SUGCT: variants seen among roughly 807,000 people sequenced by gnomAD.
SUGCT encodes succinyl-CoA:glutarate CoA-transferase.
In SUGCT, 41 loss-of-function variants were observed where a neutral mutation model predicts 55.0. That is an observed-to-expected ratio of 0.74 (90% CI 0.58 to 0.97). The LOEUF is 0.97. SUGCT is among the 50% of genes least tolerant of loss of function. SUGCT has a pLI of 0.00. For missense variants in SUGCT, 568 were observed against 547.8 expected, an observed-to-expected ratio of 1.04 and a Z score of -0.37; for synonymous variants, 187 against 200.4, an observed-to-expected ratio of 0.93 and a Z score of 0.56.
intron 13 of SUGCT, among the ~76,000 whole-genome samples, chr7:40,759,390 G>T (rs1436912302): frequency 6.6e-6 from 1 of 152,120 alleles, no homozygotes; most frequent in Non-Finnish European, 1.5e-5. Flanking sequence ...CTTAATACTT[G>T]TCTATATATG....
At chr7:40,820,443 A>G (rs1791927697) in intron 13 of SUGCT, among the ~76,000 whole-genome samples, 1 of 152,084 alleles carries the variant, frequency 6.6e-6, no homozygotes, top group Non-Finnish European at 1.5e-5. Context: ...TATTTCGTTG[A>G]GCAGTGGTTT....
chr7:40,147,871 A>G (rs541676625), intron 1 of SUGCT, among the ~76,000 whole-genome samples: 1 of 152,278 alleles, frequency 6.6e-6, no homozygotes, highest in South Asian at 2.1e-4. Flanking sequence ...CGAATATAAA[A>G]TTTTCTTTTT....
At chr7:40,271,052 A>G (rs899468796) in intron 7 of SUGCT, among the ~76,000 whole-genome samples, 7 of 152,034 alleles carry the variant, frequency 4.6e-5, no homozygotes, top group African/African-American at 1.7e-4. Context: ...TTATCTTGCA[A>G]TCTTGCTTAA....
chr7:40,228,180 GTCTT>G (rs1434441068), intron 6 of SUGCT, among the ~76,000 whole-genome samples: 5 of 152,014 alleles, frequency 3.3e-5, no homozygotes, highest in Non-Finnish European at 5.9e-5. Flanking sequence ...ACTGCACCTG[GTCTT>G]TCTTTCTTTC....
intron 12 of SUGCT, among the ~76,000 whole-genome samples, chr7:40,682,778 GT>G (rs1043246586): frequency 2.0e-5 from 3 of 149,958 alleles, no homozygotes; most frequent in Non-Finnish European, 4.4e-5. Context: ...GAAGAGTTAA[GT>G]TTTTGTTTGA....
chr7:40,595,640 C>T (rs1353327825), intron 12 of SUGCT, among the ~76,000 whole-genome samples: 1 of 138,996 alleles, frequency 7.2e-6, no homozygotes, highest in Non-Finnish European at 1.6e-5. Context: ...TTTTTCATGC[C>T]ACAAAAAAAA....
chr7:40,244,064 T>C (rs1203879088), intron 7 of SUGCT, among the ~76,000 whole-genome samples: 23 of 152,110 alleles, frequency 1.5e-4, no homozygotes, highest in Admixed American at 1.5e-3. Context: ...TCCCAGGTAC[T>C]TGGGAGGCTG....
At chr7:41,023,185 G>T in the SUGCT span, among the ~76,000 whole-genome samples, 1 of 152,184 alleles carries the variant, frequency 6.6e-6, no homozygotes, top group African/African-American at 2.4e-5. Flanking sequence ...GGACCCCAGG[G>T]TAAGGATGAA....
intron 13 of SUGCT, among the ~76,000 whole-genome samples, chr7:40,774,428 G>A (rs977201562): frequency 2.0e-5 from 3 of 152,100 alleles, no homozygotes; most frequent in Non-Finnish European, 1.5e-5. Flanking sequence ...CTTTAGAATA[G>A]ATGTTATTAA....
intron 3 of SUGCT, among the ~76,000 whole-genome samples, chr7:40,182,884 C>A (rs1329782993): frequency 1.3e-5 from 2 of 152,048 alleles, no homozygotes; most frequent in Non-Finnish European, 2.9e-5. Context: ...CCTCCCTCAC[C>A]GTGGAATCAA....
chr7:40,276,606 A>T (rs1792498564), intron 8 of SUGCT, among the ~76,000 whole-genome samples: 1 of 152,168 alleles, frequency 6.6e-6, no homozygotes, highest in South Asian at 2.1e-4. Context: ...TATTATTTAG[A>T]TGAGTATCAT....
intron 11 of SUGCT, among the ~76,000 whole-genome samples, chr7:40,494,966 C>T (rs964321645): frequency 2.0e-5 from 3 of 151,884 alleles, no homozygotes; most frequent in Admixed American, 6.6e-5. Context: ...GCCTGGAGTG[C>T]GATGGTGCGA....
At chr7:40,154,858 C>G (rs867506532) in intron 1 of SUGCT, among the ~76,000 whole-genome samples, 7 of 152,206 alleles carry the variant, frequency 4.6e-5, no homozygotes, top group Non-Finnish European at 7.3e-5. Flanking sequence ...AGTTTACCAT[C>G]TGCCTTAAAA....
At chr7:40,458,678 T>TATAA (rs970100776) in intron 10 of SUGCT, among the ~76,000 whole-genome samples, 1 of 152,244 alleles carries the variant, frequency 6.6e-6, no homozygotes, top group Non-Finnish European at 1.5e-5. Context: ...ACATGTTGAC[T>TATAA]GTATACAAGA....
At chr7:40,417,972 G>A (rs1787102851) in intron 9 of SUGCT, among the ~76,000 whole-genome samples, 2 of 151,846 alleles carry the variant, frequency 1.3e-5, no homozygotes, top group Admixed American at 6.6e-5. Flanking sequence ...AACAATACAT[G>A]TGATAAATAT....
chr7:40,474,211 A>G (rs115292615), intron 11 of SUGCT, among the ~76,000 whole-genome samples: 1,590 of 152,270 alleles, frequency 0.01, 33 homozygotes, highest in African/African-American at 0.035. Context: ...AACAGCATAG[A>G]GTAGTATGTT....
At chr7:40,194,807 A>G in intron 5 of SUGCT, 133 bp from the exon 6 acceptor site, 1 of 1,012,388 alleles carries the variant, frequency 9.9e-7, no homozygotes, top group Admixed American at 3.0e-5. Flanking sequence ...TTCTATGTTT[A>G]TCTAATTTGC....
chr7:40,655,668 T>G (rs992226046), intron 12 of SUGCT, among the ~76,000 whole-genome samples: 8 of 152,302 alleles, frequency 5.3e-5, no homozygotes, highest in African/African-American at 1.9e-4. Flanking sequence ...TGTGAGTAAT[T>G]ACTATTTTTG....
chr7:40,527,956 A>G (rs951443414), intron 12 of SUGCT, among the ~76,000 whole-genome samples: 8 of 152,170 alleles, frequency 5.3e-5, no homozygotes, highest in East Asian at 1.9e-4. Context: ...GTGCCCTTGC[A>G]TTTCCTTTAC....
Sources: gnomAD v4.1 joint callset for allele counts (sites outside exome capture counted in the v4.1 genomes callset) on GRCh38, gnomAD v4.1.1 for gene constraint, MANE v1.5 for transcripts, NCBI Gene and HGNC (gene_info 2026-07-23, HGNC 2026-07-21) for gene names.